The following TMC1 variants were observed in gnomAD, a reference collection of about 807,000 sequenced individuals.
TMC1 encodes transmembrane channel-like protein 1.
Under a neutral mutation model 105.8 loss-of-function variants are expected in TMC1, and 84 were observed. The observed-to-expected ratio is 0.79, with a 90% CI of 0.67 to 0.95. TMC1 has a LOEUF of 0.95. Among genes scored for constraint, TMC1 ranks in the 40% least tolerant of loss-of-function variants. TMC1 has a pLI of 0.00. For synonymous variants in TMC1, 315 were observed against 311.5 expected (o/e 1.01, Z -0.12); for missense variants, 817 against 914.1 (o/e 0.89, Z 1.37).
rs111501064 is a variant in TMC1 at position 72,571,455 on chromosome 9, T to C, written c.-427-6447T>C. On this transcript the variant is annotated intron_variant, in intron 1 of 23. Coordinates refer to ENST00000297784, the MANE Select transcript of TMC1 (RefSeq NM_138691.3). ...ATCAACCTCACGCTTTTTTTTTTTT[T>C]CTTTTTTTTTGAGGTGGAGTCTCGC... 2.6e-4 allele frequency among the ~76,000 whole-genome samples: 36 copies of C among 138,634 alleles called. No individual in the cohort carries two copies. The East Asian group carries it at 4.2e-3, about 16-fold the overall frequency. 90.9% of individuals were successfully genotyped at this position (138,634 alleles called of 152,430 possible).
At chr9:72,636,972 A>C (rs1320771841) in intron 4 of TMC1, among the ~76,000 whole-genome samples, 2 of 152,010 alleles carry the variant, frequency 1.3e-5, no homozygotes, top group African/African-American at 4.8e-5. Context: ...AAAAAGAATT[A>C]TTCAGTCCAA....
intron 5 of TMC1, among the ~76,000 whole-genome samples, chr9:72,651,936 T>C (rs563819945): frequency 1.1e-4 from 17 of 152,214 alleles, no homozygotes; most frequent in African/African-American, 4.1e-4. Flanking sequence ...CTCCCCAAAG[T>C]CCATTGTAAC....
intron 23 of TMC1, 96 bp from the exon 24 acceptor site, chr9:72,835,855 A>T: frequency 7.1e-7 from 1 of 1,417,864 alleles, no homozygotes; most frequent in Non-Finnish European, 9.6e-7. Context: ...CAGAACCATT[A>T]AGCACACTGA....
At chr9:72,729,191 T>C (rs1827167232) in intron 8 of TMC1, among the ~76,000 whole-genome samples, 1 of 152,110 alleles carries the variant, frequency 6.6e-6, no homozygotes, top group Admixed American at 6.5e-5. Flanking sequence ...ATGAGTATCA[T>C]CAGAACTAGA....
chr9:72,592,674 C>T (rs1824657556), intron 2 of TMC1, among the ~76,000 whole-genome samples: 1 of 152,224 alleles, frequency 6.6e-6, no homozygotes, highest in African/African-American at 2.4e-5. Flanking sequence ...ATGGCCACCT[C>T]TCCTGCTAGA....
chr9:72,583,129 G>A (rs1020415752), intron 2 of TMC1, among the ~76,000 whole-genome samples: 1 of 152,134 alleles, frequency 6.6e-6, no homozygotes, highest in Admixed American at 6.6e-5. Flanking sequence ...GGCTGAGGTA[G>A]GAGAATCACT....
chr9:72,635,383 C>T (rs1398799519), intron 4 of TMC1, among the ~76,000 whole-genome samples: 3 of 152,174 alleles, frequency 2.0e-5, no homozygotes, highest in African/African-American at 7.2e-5. Flanking sequence ...ACTCTAACCA[C>T]ATGGTTGATT....
chr9:72,585,359 C>G (rs1824539502), intron 2 of TMC1, among the ~76,000 whole-genome samples: 1 of 151,334 alleles, frequency 6.6e-6, no homozygotes, highest in African/African-American at 2.4e-5. Context: ...AGCGTGTTAG[C>G]CAGGATGGTC....
chr9:72,551,555 G>C (rs1011020199), intron 1 of TMC1, among the ~76,000 whole-genome samples: 37 of 152,252 alleles, frequency 2.4e-4, no homozygotes, highest in African/African-American at 8.7e-4. Flanking sequence ...GCTTTTCTCA[G>C]CCAGACCTTT....
At chr9:72,578,340 AAGC>A (rs2132096695) in intron 2 of TMC1, 1 of 152,046 alleles carries the variant, frequency 6.6e-6, no homozygotes, top group Admixed American at 6.6e-5. Context: ...AGAGAGTCTC[AAGC>A]AGGTATGTCC....
intron 18 of TMC1, among the ~76,000 whole-genome samples, chr9:72,810,759 TTAATC>T (rs1324059984): frequency 2.6e-5 from 4 of 152,210 alleles, no homozygotes; most frequent in Non-Finnish European, 4.4e-5. Flanking sequence ...TGTAGTATAA[TTAATC>T]TAATTAGTTT....
At chr9:72,698,607 T>C (rs1002338989) in intron 7 of TMC1, among the ~76,000 whole-genome samples, 14 of 152,178 alleles carry the variant, frequency 9.2e-5, no homozygotes, top group African/African-American at 2.9e-4. Flanking sequence ...TAAATGTTAA[T>C]TAGACTGCAG....
chr9:72,533,989 C>T (rs1057017866), intron 1 of TMC1, among the ~76,000 whole-genome samples: 6 of 151,784 alleles, frequency 4.0e-5, no homozygotes, highest in Admixed American at 6.6e-5. Flanking sequence ...AAAAATTAGC[C>T]GGGTGTGATG....
chr9:72,800,664 G>C (rs981100477), intron 17 of TMC1, among the ~76,000 whole-genome samples: 1 of 143,468 alleles, frequency 7.0e-6, no homozygotes, highest in Non-Finnish European at 1.6e-5. Flanking sequence ...TTTTAAACCT[G>C]TCTGTAGTGA....
intron 18 of TMC1, among the ~76,000 whole-genome samples, chr9:72,814,327 C>G (rs761246542): frequency 6.6e-6 from 1 of 152,138 alleles, no homozygotes; most frequent in Non-Finnish European, 1.5e-5. Context: ...GGCACTCCCC[C>G]AGAAGGAAAA....
At chr9:72,830,169 A>G (rs368072071) in intron 21 of TMC1, among the ~76,000 whole-genome samples, 1 of 152,234 alleles carries the variant, frequency 6.6e-6, no homozygotes, top group Non-Finnish European at 1.5e-5. Context: ...GAAAAAGCTA[A>G]TATTAGGCAG....
rs1447978629 is a variant in TMC1, at chr9:72,791,943, G to A, written c.1282G>A (p.Ala428Thr). 2 of 1,613,864 alleles carry A rather than the reference G, an allele frequency of 1.2e-6. No individual in the cohort carries two copies. Among genetic ancestry groups the A allele is most frequent in the East Asian group, 2.2e-5 (1 of 44,868 alleles). ...MFCPTLFDLFAELEDYHPLIA... is the reference protein window; with the variant it reads ...MFCPTLFDLFTELEDYHPLIA... ...CTGTCCAACATTGTTTGACTTATTTGCTGAATTAGAAGACTACCATCCTCT... is the reference window on the plus strand; with the variant it reads ...CTGTCCAACATTGTTTGACTTATTTACTGAATTAGAAGACTACCATCCTCT... The change falls in exon 16 of 24, where the codon GCT (alanine) becomes ACT (threonine). Residue 428 changes from alanine to threonine, a missense_variant. Physicochemically the swap from Ala to Thr is moderately conservative, Grantham distance 58 (BLOSUM62 0). Transcript: ENST00000297784.
At chr9:72,597,780 G>C (rs1824743089) in intron 2 of TMC1, among the ~76,000 whole-genome samples, 1 of 152,162 alleles carries the variant, frequency 6.6e-6, no homozygotes, top group African/African-American at 2.4e-5. Flanking sequence ...CAGACCCTCT[G>C]TTCTCTGTCT....
At chr9:72,798,309 A>T (rs1828407974) in intron 17 of TMC1, among the ~76,000 whole-genome samples, 1 of 152,180 alleles carries the variant, frequency 6.6e-6, no homozygotes, top group Non-Finnish European at 1.5e-5. Context: ...CAGTATGGCG[A>T]TTCCTCAAAG....
Sources: gnomAD v4.1 joint callset for allele counts (sites outside exome capture counted in the v4.1 genomes callset) on GRCh38, gnomAD v4.1.1 for gene constraint, MANE v1.5 for transcripts, NCBI Gene and HGNC (gene_info 2026-07-23, HGNC 2026-07-21) for gene names.